ADGRD1: variants seen among roughly 807,000 people sequenced by gnomAD.
ADGRD1 encodes the protein adhesion G protein-coupled receptor D1, also known as G-protein coupled receptor 133.
ADGRD1 carries 77 observed loss-of-function variants against 113.4 expected under a neutral mutation model. That is an observed-to-expected ratio of 0.68 (90% CI 0.57 to 0.82). The LOEUF is 0.82. Among genes scored for constraint, ADGRD1 ranks in the 40% least tolerant of loss-of-function variants. The probability of loss-of-function intolerance (pLI) is 0.00; values close to 1 mark genes in which losing one functional copy is unlikely to be tolerated. For missense variants in ADGRD1, 1,036 were observed against 1,139.1 expected (o/e 0.91, Z 1.30); for synonymous variants, 474 against 475.0 (o/e 1.00, Z 0.03).
chr12:130,992,412 G>A lies in ADGRD1; in HGVS notation c.966+20G>A, dbSNP rs1260172100. The A allele has an allele frequency of 3.7e-6, 6 of 1,603,026 alleles. No homozygotes were observed. Among genetic ancestry groups the A allele is most frequent in the Non-Finnish European group, 5.1e-6 (6 of 1,174,548 alleles). ...ACCAAGGTAAGGCTATTTGATGTCT[G>A]TGTCTGGTGGACCGGGCGTGGCACC... On this transcript the variant is annotated intron_variant, in intron 8 of 24. Transcript: ENST00000261654.
chr12:131,123,516 C>A (rs1403082062), intron 20 of ADGRD1, among the ~76,000 whole-genome samples: 2 of 151,896 alleles, frequency 1.3e-5, no homozygotes, highest in African/African-American at 4.8e-5. Flanking sequence ...CTGAATGGGG[C>A]AGCCTTAAAA....
At chr12:131,111,989 T>C (rs149231319) in intron 18 of ADGRD1, among the ~76,000 whole-genome samples, 1 of 152,318 alleles carries the variant, frequency 6.6e-6, no homozygotes, top group Non-Finnish European at 1.5e-5. Flanking sequence ...TGTGTCACAC[T>C]TTCTGGTTTC....
At chr12:131,016,099 C>G (rs1390430977) in intron 13 of ADGRD1, among the ~76,000 whole-genome samples, 1 of 152,230 alleles carries the variant, frequency 6.6e-6, no homozygotes, top group African/African-American at 2.4e-5. Flanking sequence ...CTGAGTTCAC[C>G]CATCTCAGGA....
chr12:131,007,955 A>T (rs1306544816), intron 12 of ADGRD1, among the ~76,000 whole-genome samples: 1 of 152,232 alleles, frequency 6.6e-6, no homozygotes, highest in Non-Finnish European at 1.5e-5. Flanking sequence ...TGTACCTTGT[A>T]CCTGTAGCAG....
rs116192091 is a variant in ADGRD1 at position 130,958,490 on chromosome 12, G to A, written c.103+3830G>A. ...GCTGGGATTACAGGTGTGAGCCACCGCACCCAGCCCCAGTCCTTCCTTTTT... is the reference window on the plus strand; with the variant it reads ...GCTGGGATTACAGGTGTGAGCCACCACACCCAGCCCCAGTCCTTCCTTTTT... On this transcript the variant is annotated intron_variant, in intron 2 of 24. Transcript: ENST00000261654. Among the ~76,000 whole-genome samples the A allele has an allele frequency of 6.5e-3, 988 of 152,148 alleles. 12 individuals carry two copies. Among genetic ancestry groups the A allele is most frequent in the African/African-American group, 0.022 (917 of 41,482 alleles).
chr12:130,992,447 A>G, intron 8 of ADGRD1, 55 bp downstream of exon 8: 3 of 1,433,598 alleles, frequency 2.1e-6, no homozygotes, highest in South Asian at 2.5e-5. Flanking sequence ...CCTTACCGGG[A>G]CCATAGATGT....
intron 13 of ADGRD1, among the ~76,000 whole-genome samples, chr12:131,051,925 G>A (rs1883438389): frequency 6.6e-6 from 1 of 152,216 alleles, no homozygotes; most frequent in African/African-American, 2.4e-5. Flanking sequence ...TACATATGGA[G>A]AGGATCAAGT....
At chr12:131,062,891 A>T (rs1219137492) in intron 13 of ADGRD1, among the ~76,000 whole-genome samples, 2 of 152,108 alleles carry the variant, frequency 1.3e-5, no homozygotes, top group African/African-American at 4.8e-5. Context: ...TGTATGAGTG[A>T]TTTAGTTTCT....
intron 2 of ADGRD1, among the ~76,000 whole-genome samples, chr12:130,958,462 A>G (rs547153972): frequency 6.6e-6 from 1 of 152,184 alleles, no homozygotes; most frequent in Non-Finnish European, 1.5e-5. Flanking sequence ...GGCCTCCCAA[A>G]GTGCTGGGAT....
chr12:130,987,050 C>T, intron 5 of ADGRD1, 45 bp from the exon 6 acceptor site: 4 of 1,581,826 alleles, frequency 2.5e-6, no homozygotes, highest in Non-Finnish European at 3.5e-6. Context: ...GCATGGGGAG[C>T]TCATTCCCAC....
At chr12:131,029,779 C>T (rs1430188889) in intron 13 of ADGRD1, among the ~76,000 whole-genome samples, 1 of 151,152 alleles carries the variant, frequency 6.6e-6, no homozygotes, top group Non-Finnish European at 1.5e-5. Context: ...GTGACATTCC[C>T]AGGCTCTGGG....
chr12:131,104,082 G>A (rs965496913), intron 15 of ADGRD1, among the ~76,000 whole-genome samples: 2 of 152,226 alleles, frequency 1.3e-5, no homozygotes, highest in Non-Finnish European at 2.9e-5. Flanking sequence ...ATCCCCAGGT[G>A]TGTTCTGTTC....
At chr12:131,055,946 C>G (rs1190882446) in intron 13 of ADGRD1, among the ~76,000 whole-genome samples, 1 of 152,188 alleles carries the variant, frequency 6.6e-6, no homozygotes, top group Non-Finnish European at 1.5e-5. Context: ...TTAACAGCCA[C>G]AGAGCTAGGC....
chr12:131,087,697 C>G (rs541143330), intron 15 of ADGRD1, among the ~76,000 whole-genome samples: 3 of 147,018 alleles, frequency 2.0e-5, no homozygotes, highest in South Asian at 4.5e-4. Context: ...GCAGCTGCCC[C>G]GCCAGCGACT....
chr12:131,120,999 T>G lies in ADGRD1; in HGVS notation c.2175+86T>G, dbSNP rs1950579448. On this transcript the variant is annotated intron_variant, in intron 20 of 24. Coordinates refer to ENST00000261654, the MANE Select transcript of ADGRD1 (RefSeq NM_198827.5). ...TGGGGCTCTGGAGATGGCGGGGGGCTCCCTGAGGAGCTTCCGAAGGATGCA... is the reference window on the plus strand; with the variant it reads ...TGGGGCTCTGGAGATGGCGGGGGGCGCCCTGAGGAGCTTCCGAAGGATGCA... 4.1e-6 allele frequency: 5 copies of G among 1,227,024 alleles called. No homozygotes were observed. The East Asian group carries it at 1.2e-4, about 29-fold the overall frequency. 76.0% of individuals were successfully genotyped at this position (1,227,024 alleles called of 1,614,324 possible).
At chr12:131,104,012 G>T (rs1284945497) in intron 15 of ADGRD1, among the ~76,000 whole-genome samples, 1 of 152,228 alleles carries the variant, frequency 6.6e-6, no homozygotes, top group African/African-American at 2.4e-5. Flanking sequence ...GCGCCGTCTG[G>T]ATTGTGCGGT....
chr12:131,094,799 T>G (rs1317484253), intron 15 of ADGRD1, among the ~76,000 whole-genome samples: 1 of 152,224 alleles, frequency 6.6e-6, no homozygotes, highest in East Asian at 1.9e-4. Context: ...CAGCAAGCCC[T>G]CCAGGTGCAC....
chr12:130,999,637 T>C (rs1322642565), intron 8 of ADGRD1, among the ~76,000 whole-genome samples: 2 of 152,066 alleles, frequency 1.3e-5, no homozygotes, highest in African/African-American at 4.8e-5. Flanking sequence ...TAAGACTGTG[T>C]GTGAATAATG....
At chr12:131,131,838 A>G (rs759068513) in intron 21 of ADGRD1, 22 bp downstream of exon 21, 1 of 1,486,746 alleles carries the variant, frequency 6.7e-7, no homozygotes, top group Admixed American at 1.7e-5. Context: ...TCAGGCTGCC[A>G]GCAGTGCCAC....
Sources: allele counts gnomAD v4.1 joint callset (sites outside exome capture counted in the v4.1 genomes callset), GRCh38; gene constraint gnomAD v4.1.1; transcripts MANE v1.5; gene names NCBI Gene and HGNC (gene_info 2026-07-23, HGNC 2026-07-21).